The following KNTC1 variants were observed in gnomAD, a reference collection of about 807,000 sequenced individuals.
KNTC1 encodes the protein kinetochore-associated protein 1.
A neutral mutation model predicts 314.4 loss-of-function variants in KNTC1; 253 were observed. The observed-to-expected ratio is 0.80, with a 90% CI of 0.73 to 0.89. The LOEUF is 0.89. Ranked by LOEUF, KNTC1 falls within the 40% of genes least tolerant of loss-of-function variation. KNTC1 has a pLI of 0.00. For synonymous variants in KNTC1, 901 were observed against 901.4 expected (o/e 1.00, Z 0.01); for missense variants, 2,475 against 2,572.9 (o/e 0.96, Z 0.82).
At chr12:122,601,804 C>T (rs1253600291) in intron 45 of KNTC1, 179 bp downstream of exon 45, 2 of 635,892 alleles carry the variant, frequency 3.1e-6, no homozygotes, top group African/African-American at 3.9e-5. Context: ...ATTTTCATGA[C>T]ATTCCTATTT....
chr12:122,609,456 A>T lies in KNTC1; in HGVS notation c.5543+26A>T, dbSNP rs776677305. On this transcript the variant is annotated intron_variant, in intron 52 of 63. Coordinates refer to ENST00000333479, the MANE Select transcript of KNTC1 (RefSeq NM_014708.6). ...GTACTCTTTTCCTTTACTTATATTC[A>T]CCTATATCGTGATGCAAAATAGAAA... is the stretch of plus-strand genomic sequence containing the variant. 4 of 1,418,800 alleles carry T rather than the reference A, an allele frequency of 2.8e-6. No individual in the cohort carries two copies. The Admixed American group carries it at 6.9e-5, about 24-fold the overall frequency. The allele number at this position is 1,418,800 out of a possible 1,614,324, so 87.9% of individuals were successfully genotyped here.
intron 59 of KNTC1, among the ~76,000 whole-genome samples, chr12:122,619,012 G>A (rs760475953): frequency 6.6e-6 from 1 of 151,118 alleles, no homozygotes; most frequent in Non-Finnish European, 1.5e-5. Context: ...GAGGCACTGC[G>A]CCCAGCAACA....
rs1016198922 is a variant in KNTC1, at chr12:122,546,701, T to C, written c.816+27T>C. On this transcript the variant is annotated intron_variant, in intron 10 of 63. Coordinates refer to ENST00000333479, the MANE Select transcript of KNTC1 (RefSeq NM_014708.6). ...TATGTTTCTTGTTTCTCCTTCAATGTTTTTACTTGATATGTTTTACAACAA... is the reference window on the plus strand; with the variant it reads ...TATGTTTCTTGTTTCTCCTTCAATGCTTTTACTTGATATGTTTTACAACAA... The C allele has an allele frequency of 2.8e-6, 4 of 1,410,356 alleles. No individual in the cohort carries two copies. The Admixed American group carries it at 6.0e-5, about 21-fold the overall frequency. 87.4% of individuals were successfully genotyped at this position (1,410,356 alleles called of 1,614,324 possible).
Sources: allele counts gnomAD v4.1 joint callset (sites outside exome capture counted in the v4.1 genomes callset), GRCh38; gene constraint gnomAD v4.1.1; transcripts MANE v1.5; gene names NCBI Gene and HGNC (gene_info 2026-07-23, HGNC 2026-07-21).